The following VPS53 variants were observed in gnomAD, a reference collection of about 807,000 sequenced individuals.
VPS53 encodes vacuolar protein sorting-associated protein 53 homolog.
A neutral mutation model predicts 107.0 loss-of-function variants in VPS53; 70 were observed. That is an observed-to-expected ratio of 0.65 (90% confidence interval 0.54 to 0.80). The LOEUF is 0.80. Ranked by LOEUF, VPS53 falls within the 30% of genes least tolerant of loss-of-function variation. VPS53 has a pLI of 0.00. For synonymous variants in VPS53, 409 were observed against 393.3 expected (o/e 1.04, Z -0.47); for missense variants, 917 against 1,049.4 (o/e 0.87, Z 1.74).
chr17:653,025 T>C (rs906077438), intron 7 of VPS53, among the ~76,000 whole-genome samples: 2 of 152,262 alleles, frequency 1.3e-5, no homozygotes, highest in African/African-American at 2.4e-5. Flanking sequence ...AGATCACTTC[T>C]TCCGGTGACA....
chr17:588,046 G>A lies in VPS53; in HGVS notation c.1219-1682C>T, dbSNP rs774608129. ...TGTGGTAAGAATGCTTGCTGGGCAC[G>A]GTGGCTCACGCCTGTAATCCCAGCA... On this transcript the variant is annotated intron_variant, in intron 12 of 21. Transcript: ENST00000437048. Among the ~76,000 whole-genome samples, 16 of 152,122 alleles carry A rather than the reference G, an allele frequency of 1.1e-4. 1 individual carries two copies. Among genetic ancestry groups the A allele is most frequent in the South Asian group, 2.1e-4 (1 of 4,828 alleles).
At chr17:574,288 A>C (rs1407987170) in intron 13 of VPS53, among the ~76,000 whole-genome samples, 1 of 152,186 alleles carries the variant, frequency 6.6e-6, no homozygotes, top group Non-Finnish European at 1.5e-5. Flanking sequence ...AGGAAAATGG[A>C]GAGTCCCCAA....
In VPS53 at chr17:684,472, A is replaced by G. The variant is rs543415262; in HGVS notation, c.285+12946T>C. Among the ~76,000 whole-genome samples, 150 of 152,354 alleles carry G rather than the reference A, an allele frequency of 9.8e-4. 1 individual carries two copies. Among genetic ancestry groups the G allele is most frequent in the African/African-American group, 3.4e-3 (140 of 41,580 alleles). On this transcript the variant is annotated intron_variant, in intron 4 of 21. Coordinates refer to ENST00000437048, the MANE Select transcript of VPS53 (RefSeq NM_001128159.3). The stretch of plus-strand genomic sequence containing the variant: ...TTTATAATCATACCAAAAACCACAA[A>G]ATATTTAGTATAAATCTAGCAAACT...
In VPS53 at chr17:553,233, G is replaced by A. The variant is rs538500164; in HGVS notation, c.1787+147C>T. On this transcript the variant is annotated intron_variant, in intron 16 of 21. Coordinates refer to ENST00000437048, the MANE Select transcript of VPS53 (RefSeq NM_001128159.3). Reference sequence around the variant, plus strand: ...GAGAAAGGGCAGGCAGTGAGCAAGCGTGTACAAGGTATATACGTGCCACAT... The same window carrying A: ...GAGAAAGGGCAGGCAGTGAGCAAGCATGTACAAGGTATATACGTGCCACAT... The A allele has an allele frequency of 1.6e-4, 96 of 588,336 alleles. 1 individual carries two copies. Among genetic ancestry groups the A allele is most frequent in the South Asian group, 1.3e-3 (67 of 49,756 alleles). The allele number at this position is 588,336 out of a possible 1,614,324, so 36.4% of individuals were successfully genotyped here.
intron 5 of VPS53, chr17:657,131 G>A (rs1971226327): frequency 7.7e-7 from 1 of 1,295,092 alleles, no homozygotes; most frequent in Non-Finnish European, 1.1e-6. Context: ...CTTGATGAGG[G>A]GTCAGGGTAG....
chr17:654,930 C>G (rs1373356753), intron 6 of VPS53, among the ~76,000 whole-genome samples: 1 of 152,178 alleles, frequency 6.6e-6, no homozygotes, highest in Non-Finnish European at 1.5e-5. Flanking sequence ...TGGCCTCCCT[C>G]TGGCCGCTGC....
At chr17:710,677 AT>A in intron 1 of VPS53, 64 bp from the exon 2 acceptor site, 2 of 1,311,438 alleles carry the variant, frequency 1.5e-6, no homozygotes, top group Non-Finnish European at 2.1e-6. Context: ...TATAATTTTA[AT>A]TTGTCAATTA....
At chr17:665,757 T>C (rs556568215) in intron 4 of VPS53, among the ~76,000 whole-genome samples, 2 of 152,236 alleles carry the variant, frequency 1.3e-5, no homozygotes, top group East Asian at 3.9e-4. Flanking sequence ...GTCATCCCAG[T>C]ACTTTGGGAG....
intron 4 of VPS53, among the ~76,000 whole-genome samples, chr17:695,548 T>G (rs907515970): frequency 4.6e-4 from 70 of 151,832 alleles, no homozygotes; most frequent in African/African-American, 1.6e-3. Flanking sequence ...AGCAAAGGAA[T>G]TTGGATTTCT....
chr17:667,207 C>T (rs1414237638), intron 4 of VPS53, among the ~76,000 whole-genome samples: 1 of 151,952 alleles, frequency 6.6e-6, no homozygotes, highest in Non-Finnish European at 1.5e-5. Flanking sequence ...CACACAATGG[C>T]AGAGATAAAT....
intron 3 of VPS53, among the ~76,000 whole-genome samples, chr17:698,767 T>C (rs987895571): frequency 1.3e-5 from 2 of 152,154 alleles, no homozygotes; most frequent in Non-Finnish European, 2.9e-5. Flanking sequence ...CTTCTATAAT[T>C]ACAAAAGATG....
At chr17:584,761 AG>A (rs1030712806) in intron 13 of VPS53, among the ~76,000 whole-genome samples, 24 of 152,302 alleles carry the variant, frequency 1.6e-4, no homozygotes, top group African/African-American at 5.3e-4. Flanking sequence ...CCTGGGCTCA[AG>A]AGCTCCTCCT....
intron 11 of VPS53, among the ~76,000 whole-genome samples, chr17:606,175 G>C (rs1423144968): frequency 1.3e-5 from 2 of 152,110 alleles, no homozygotes; most frequent in African/African-American, 4.8e-5. Flanking sequence ...TTTGCTGAGA[G>C]AGTGAGAACG....
At chr17:601,739 G>A (rs1597367924) in intron 12 of VPS53, 56 bp downstream of exon 12, 5 of 1,409,032 alleles carry the variant, frequency 3.5e-6, no homozygotes, top group Non-Finnish European at 4.9e-6. Context: ...CAAGCAGACC[G>A]ATTTTCAGAA....
At chr17:539,768 C>T (rs186406369) in intron 17 of VPS53, among the ~76,000 whole-genome samples, 60 of 152,286 alleles carry the variant, frequency 3.9e-4, no homozygotes, top group African/African-American at 1.2e-3. Context: ...GACCGAACTT[C>T]GCAGGTCCCT....
chr17:634,916 T>C lies in VPS53; in HGVS notation c.609-3288A>G, dbSNP rs182339230. Among the ~76,000 whole-genome samples, 175 of 141,058 alleles carry C rather than the reference T, an allele frequency of 1.2e-3. 4 individuals carry two copies. The East Asian group carries it at 0.033, about 26-fold the overall frequency. The allele number at this position is 141,058 out of a possible 152,430, so 92.5% of individuals were successfully genotyped here. On this transcript the variant is annotated intron_variant, in intron 7 of 21. Coordinates refer to ENST00000437048, the MANE Select transcript of VPS53 (RefSeq NM_001128159.3). ...AATCCTTTGGGTATATACCCAGTAATGGGGTGGCTGGGTCAAATGGTATTT... is the reference window on the plus strand; with the variant it reads ...AATCCTTTGGGTATATACCCAGTAACGGGGTGGCTGGGTCAAATGGTATTT...
At chr17:650,584 A>G (rs189327581) in intron 7 of VPS53, among the ~76,000 whole-genome samples, 84 of 152,336 alleles carry the variant, frequency 5.5e-4, no homozygotes, top group African/African-American at 1.6e-3. Flanking sequence ...CATAAGATAG[A>G]TAAAAATGAA....
intron 12 of VPS53, among the ~76,000 whole-genome samples, chr17:587,166 G>A (rs962719024): frequency 6.6e-6 from 1 of 152,160 alleles, no homozygotes; most frequent in Non-Finnish European, 1.5e-5. Context: ...GGACTCAAGT[G>A]ATTCTTGTGT....
chr17:662,356 T>G (rs1015149707), intron 4 of VPS53, among the ~76,000 whole-genome samples: 2 of 152,090 alleles, frequency 1.3e-5, no homozygotes, highest in Non-Finnish European at 2.9e-5. Flanking sequence ...CTTAAAGACT[T>G]TCATAGTAAG....
Sources: allele counts gnomAD v4.1 joint callset (sites outside exome capture counted in the v4.1 genomes callset), GRCh38; gene constraint gnomAD v4.1.1; transcripts MANE v1.5; gene names NCBI Gene and HGNC (gene_info 2026-07-23, HGNC 2026-07-21).